The following AEN variants were observed in gnomAD, a reference collection of about 807,000 sequenced individuals.
The protein encoded by AEN is apoptosis enhancing nuclease.
Under a neutral mutation model 17.7 loss-of-function variants are expected in AEN, and 21 were observed. The ratio of observed to expected loss-of-function variants is 1.19; its 90% confidence interval spans 0.84 to 1.71. The LOEUF (loss-of-function observed/expected upper bound fraction) is 1.71, where lower values mean the gene tolerates loss of function less well. Ranked by LOEUF, AEN falls within the 40% of genes most tolerant of loss-of-function variation. The pLI is 0.00. For missense variants in AEN, 462 were observed against 435.9 expected (o/e 1.06, Z -0.53); for synonymous variants, 190 against 173.0 (o/e 1.10, Z -0.77).
chr15:88,612,356 G>C, the AEN span, among the ~76,000 whole-genome samples: 2 of 151,998 alleles, frequency 1.3e-5, no homozygotes, highest in African/African-American at 2.4e-5. Flanking sequence ...CCTGGCAGCA[G>C]GGGGGACACA....
chr15:88,622,122 C>T (rs550351905), intron 1 of AEN, among the ~76,000 whole-genome samples: 1 of 152,240 alleles, frequency 6.6e-6, no homozygotes, highest in Admixed American at 6.5e-5. Flanking sequence ...CTCATGCCAC[C>T]GAGGATTCTG....
At chr15:88,613,585 T>C in the AEN span, among the ~76,000 whole-genome samples, 15 of 106,918 alleles carry the variant, frequency 1.4e-4, no homozygotes, top group African/African-American at 3.9e-4. Flanking sequence ...AACAAGCATC[T>C]CGGGGGGGGA....
intron 2 of AEN, 163 bp from the exon 3 acceptor site, chr15:88,629,063 C>T: frequency 1.4e-6 from 1 of 690,692 alleles, no homozygotes; most frequent in Admixed American, 2.5e-5. Flanking sequence ...TGGGTTCAGA[C>T]TTGGGGCAGC....
upstream of AEN, among the ~76,000 whole-genome samples, chr15:88,619,727 C>T (rs1265642725): frequency 6.6e-6 from 1 of 151,836 alleles, no homozygotes; most frequent in Non-Finnish European, 1.5e-5. Context: ...CTCTCCTTGC[C>T]CCAGATTTAC....
chr15:88,613,767 C>A, the AEN span, among the ~76,000 whole-genome samples: 1 of 151,288 alleles, frequency 6.6e-6, no homozygotes, highest in Admixed American at 6.6e-5. Context: ...GATTCCTCAA[C>A]TGTGAAACAG....
intron 2 of AEN, chr15:88,628,036 T>C (rs938919693): frequency 4.6e-5 from 7 of 152,176 alleles, no homozygotes; most frequent in African/African-American, 1.7e-4. Context: ...TTATTTTATG[T>C]ATCAAGCAGG....
At chr15:88,610,857 G>A in the AEN span, among the ~76,000 whole-genome samples, 1 of 152,208 alleles carries the variant, frequency 6.6e-6, no homozygotes. Context: ...TGCTAATTAA[G>A]GAGCGGATGT....
In AEN at chr15:88,629,246, C is replaced by A. The variant is rs757958641; in HGVS notation, c.561C>A (p.Gly187=). Residue 187 remains glycine (G), a synonymous_variant, in exon 3 of 4, where the codon GGC becomes GGA. Coordinates refer to ENST00000332810, the MANE Select transcript of AEN (RefSeq NM_022767.4). ...AQKEILKLLK[G]KVVVGHALHN... is the part of the protein sequence containing the mutation. ...CACAGATCCTTAAGCTCCTGAAGGGCAAGGTGGTGGTGGGGCACGCGCTGC... is the reference window on the plus strand; with the variant it reads ...CACAGATCCTTAAGCTCCTGAAGGGAAAGGTGGTGGTGGGGCACGCGCTGC... 6.2e-7 allele frequency: 1 copy of A among 1,614,098 alleles called. No individual in the cohort carries two copies. Among genetic ancestry groups the A allele is most frequent in the Non-Finnish European group, 8.5e-7 (1 of 1,180,000 alleles).
rs140342918 is a variant in AEN at position 88,629,911 on chromosome 15, G to A, written c.742-147G>A. ...TGCATGGCTTATGGTGTACAGTTGA[G>A]GTTCCATCCCTTTTCTGTGAACCTC... On this transcript the variant is annotated intron_variant, in intron 3 of 3. Transcript: ENST00000332810. 1.6e-4 allele frequency: 120 copies of A among 727,438 alleles called. 1 individual carries two copies. In the African/African-American group the frequency reaches 1.8e-3, roughly 11 times the overall value. 45.1% of individuals were successfully genotyped at this position (727,438 alleles called of 1,614,324 possible). A position where few individuals can be genotyped will look rare whatever the true frequency, so the allele number is the denominator to read the frequency against.
In AEN at chr15:88,630,785, T is replaced by C. The variant is rs1013153895; in HGVS notation, c.*491T>C. ...TCTCTTCCTTTTGTTGCCTACCTCT[T>C]CCTCCACTCATTTGGGTTCAGAATA... On this transcript the variant is annotated 3_prime_UTR_variant, in exon 4 of 4. Coordinates refer to ENST00000332810, the MANE Select transcript of AEN (RefSeq NM_022767.4). The surrounding 1 kb of genome is among the most constrained non-coding windows in gnomAD (Gnocchi z 5.1). The C allele has an allele frequency of 9.0e-6, 2 of 223,338 alleles. No individual in the cohort carries two copies. The highest frequency in any genetic ancestry group is 9.8e-5 in the Admixed American group (2 of 20,362). The allele number at this position is 223,338 out of a possible 1,614,324, so 13.8% of individuals were successfully genotyped here.
At chr15:88,612,113 G>C in the AEN span, among the ~76,000 whole-genome samples, 3 of 152,220 alleles carry the variant, frequency 2.0e-5, no homozygotes. Flanking sequence ...CAGGGTCTCT[G>C]TTTTCAGGGA....
chr15:88,625,868 C>CATA (rs2057844701), intron 1 of AEN, among the ~76,000 whole-genome samples: 1 of 152,180 alleles, frequency 6.6e-6, no homozygotes, highest in South Asian at 2.1e-4. Context: ...CTCTGTGCCT[C>CATA]AGTTTCTTAC....
chr15:88,612,041 A>G, the AEN span: 4 of 390,586 alleles, frequency 1.0e-5, no homozygotes, highest in Non-Finnish European at 1.5e-5. Flanking sequence ...ACCACCCTAA[A>G]CACCCATCGG....
At chr15:88,613,968 C>A in the AEN span, among the ~76,000 whole-genome samples, 6 of 152,214 alleles carry the variant, frequency 3.9e-5, no homozygotes, top group Admixed American at 6.5e-5. Flanking sequence ...AAATGGAAAC[C>A]ACCATCTTTC....
At position 88,631,790 on chromosome 15, in the gene AEN, GGC is replaced by G. The variant is rs1284925081; in HGVS notation, c.*1499_*1500del. 3 of 152,514 alleles carry G rather than the reference GGC, an allele frequency of 2.0e-5. No individual in the cohort carries two copies. Among genetic ancestry groups the G allele is most frequent in the African/African-American group, 7.2e-5 (3 of 41,458 alleles). 9.4% of individuals were successfully genotyped at this position (152,514 alleles called of 1,614,324 possible). On this transcript the variant is annotated 3_prime_UTR_variant, in exon 4 of 4. Coordinates refer to ENST00000332810, the MANE Select transcript of AEN (RefSeq NM_022767.4). Reference sequence around the variant, plus strand: ...CCGGCTTGGCTGTTCCAGCAGGTGGGGCGCTGGCCTCGGTGAGGGCACAGCAG... The same window carrying G: ...CCGGCTTGGCTGTTCCAGCAGGTGGGGCTGGCCTCGGTGAGGGCACAGCAG...
the AEN span, among the ~76,000 whole-genome samples, chr15:88,611,601 A>G: frequency 2.0e-5 from 3 of 152,170 alleles, no homozygotes; most frequent in African/African-American, 7.2e-5. Context: ...GTCTCACCAA[A>G]ACAAAACAAA....
At chr15:88,629,603 T>C (rs1181737127) in intron 3 of AEN, among the ~76,000 whole-genome samples, 177 bp downstream of exon 3, 2 of 152,100 alleles carry the variant, frequency 1.3e-5, no homozygotes, top group African/African-American at 4.8e-5. Flanking sequence ...TCCAGGTGTT[T>C]CTCTCCATGA....
chr15:88,631,222 T>G lies in AEN; in HGVS notation c.*928T>G. The G allele has an allele frequency of 2.2e-6, 1 of 454,330 alleles. No individual in the cohort carries two copies. Among genetic ancestry groups the G allele is most frequent in the Non-Finnish European group, 4.4e-6 (1 of 225,136 alleles). The allele number at this position is 454,330 out of a possible 1,614,324, so 28.1% of individuals were successfully genotyped here. Reference sequence around the variant, plus strand: ...TATTTATTAACAGCAGGGCCACTCGTCTAGGGCAGTGGAGTCTGCGTGTCT... The same window carrying G: ...TATTTATTAACAGCAGGGCCACTCGGCTAGGGCAGTGGAGTCTGCGTGTCT... On this transcript the variant is annotated 3_prime_UTR_variant, in exon 4 of 4. Transcript: ENST00000332810.
At chr15:88,606,794 G>A in the AEN span, among the ~76,000 whole-genome samples, 1 of 152,138 alleles carries the variant, frequency 6.6e-6, no homozygotes, top group African/African-American at 2.4e-5. Flanking sequence ...AAGTAAAGGC[G>A]CATAGCAGAG....
Sources: gnomAD v4.1 joint callset for allele counts (sites outside exome capture counted in the v4.1 genomes callset) on GRCh38, gnomAD v4.1.1 for gene constraint, Gnocchi (gnomAD v3.1) non-coding constraint, MANE v1.5 for transcripts, NCBI Gene and HGNC (gene_info 2026-07-23, HGNC 2026-07-21) for gene names.